Variants in LYSMD2 observed in about 807,000 individuals in gnomAD.
LYSMD2 encodes the protein LysM domain containing 2, also known as lysM and putative peptidoglycan-binding domain-containing protein 2.
Under a neutral mutation model 17.7 loss-of-function variants are expected in LYSMD2, and 6 were observed. The observed-to-expected ratio is 0.34, with a 90% CI of 0.19 to 0.67. The LOEUF is 0.67. Among genes scored for constraint, LYSMD2 ranks in the 30% least tolerant of loss-of-function variants. The pLI is 0.69. For missense variants in LYSMD2, 237 were observed against 286.7 expected (o/e 0.83, Z 1.25); for synonymous variants, 102 against 129.8 (o/e 0.79, Z 1.45).
intron 1 of LYSMD2, among the ~76,000 whole-genome samples, chr15:51,729,365 C>A (rs78456427): frequency 0.048 from 7,297 of 152,270 alleles, 214 homozygotes; most frequent in East Asian, 0.095. Flanking sequence ...AATGGATTAG[C>A]AAGAAAGAGG....
In LYSMD2 at chr15:51,748,261, C is replaced by CAAAAAAAAA. The variant is rs10556304; in HGVS notation, c.-1+3001_-1+3009dup. 1.5e-3 allele frequency among the ~76,000 whole-genome samples: 93 copies of CAAAAAAAAA among 60,228 alleles called. 1 individual carries two copies. The highest frequency in any genetic ancestry group is 5.7e-3 in the African/African-American group (90 of 15,820). 39.5% of individuals were successfully genotyped at this position (60,228 alleles called of 152,430 possible). A position where few individuals can be genotyped will look rare whatever the true frequency, so the allele number is the denominator to read the frequency against. ...CTGGTGACAGAACAAGACTCCGTCT[C>CAAAAAAAAA]AAAAAAAAAAAAAAAAAAAAAAAAA... On this transcript the variant is annotated intron_variant, in intron 1 of 2. Transcript: ENST00000454181.
intron 2 of LYSMD2, among the ~76,000 whole-genome samples, 153 bp from the exon 3 acceptor site, chr15:51,723,802 C>G (rs879099156): frequency 6.6e-6 from 1 of 152,072 alleles, no homozygotes; most frequent in Non-Finnish European, 1.5e-5. Flanking sequence ...AATGCCAATA[C>G]TTAAGACATA....
At chr15:51,748,596 A>G (rs756854998) in intron 1 of LYSMD2, among the ~76,000 whole-genome samples, 3 of 152,232 alleles carry the variant, frequency 2.0e-5, no homozygotes, top group Middle Eastern at 3.2e-3. Flanking sequence ...ATCTCATATA[A>G]CAAGAAATCC....
Position 51,737,422 on chromosome 15 carries a change from G to C in LYSMD2, c.201C>G (p.Ile67Met). 1 of 1,444,942 alleles carries C rather than the reference G, an allele frequency of 6.9e-7. No individual in the cohort carries two copies. Among genetic ancestry groups the C allele is most frequent in the Non-Finnish European group, 9.1e-7 (1 of 1,103,584 alleles). 89.5% of individuals were successfully genotyped at this position (1,444,942 alleles called of 1,614,324 possible). The change falls in exon 1 of 3, where the codon ATC (isoleucine) becomes ATG (methionine). Residue 67 changes from isoleucine (I) to methionine (M), a missense_variant. Transcript: ENST00000267838. This position sits in a 1 kb window ranked among gnomAD's most constrained non-coding sequence, Gnocchi z 4.2. ...GGACCCGGTGCTCCACATGGCGCTCGATGACGCCGGCGCCCAGCGGCGCCC... is the reference window on the plus strand; with the variant it reads ...GGACCCGGTGCTCCACATGGCGCTCCATGACGCCGGCGCCCAGCGGCGCCC... Reference protein sequence around the residue: ...SVRAPLGAGVIERHVEHRVRA... With the variant: ...SVRAPLGAGVMERHVEHRVRA...
chr15:51,728,249 T>TA (rs914383925), intron 1 of LYSMD2, among the ~76,000 whole-genome samples: 28 of 151,482 alleles, frequency 1.8e-4, no homozygotes, highest in Non-Finnish European at 2.9e-4. Flanking sequence ...TCATTTCTAC[T>TA]AAAAAAAAGA....
chr15:51,736,236 C>T (rs767886326), intron 1 of LYSMD2, among the ~76,000 whole-genome samples: 2 of 152,198 alleles, frequency 1.3e-5, no homozygotes, highest in African/African-American at 4.8e-5. Context: ...TTCCCAACTT[C>T]GCTTTCCTCT....
intron 1 of LYSMD2, among the ~76,000 whole-genome samples, chr15:51,750,938 C>A (rs2055696448): frequency 6.6e-6 from 1 of 152,172 alleles, no homozygotes; most frequent in African/African-American, 2.4e-5. Flanking sequence ...CCAAGAACTC[C>A]CTCGGAAACC....
chr15:51,747,097 G>T (rs2055671898), intron 1 of LYSMD2, among the ~76,000 whole-genome samples: 2 of 151,872 alleles, frequency 1.3e-5, no homozygotes, highest in South Asian at 4.2e-4. Flanking sequence ...CTACTTGGGA[G>T]GCTTAGACAT....
At position 51,745,028 on chromosome 15, in the gene LYSMD2, A is replaced by G. The variant is rs528250743; in HGVS notation, c.-1+6243T>C. On this transcript the variant is annotated intron_variant, in intron 1 of 2. Transcript: ENST00000454181. ...TAGATAACTTAAATAAAGTGAATGAATTCCTAGAAAGACATGAACTAACAA... is the reference window on the plus strand; with the variant it reads ...TAGATAACTTAAATAAAGTGAATGAGTTCCTAGAAAGACATGAACTAACAA... 7.2e-5 allele frequency among the ~76,000 whole-genome samples: 11 copies of G among 152,292 alleles called. No homozygotes were observed. The East Asian group carries it at 1.5e-3, about 21-fold the overall frequency.
chr15:51,732,648 C>A (rs528470170), intron 1 of LYSMD2, among the ~76,000 whole-genome samples: 1 of 152,222 alleles, frequency 6.6e-6, no homozygotes, highest in Non-Finnish European at 1.5e-5. Context: ...TCAGGCCTAG[C>A]CAGCTTCTTG....
At chr15:51,750,747 T>G (rs191011290) in intron 1 of LYSMD2, among the ~76,000 whole-genome samples, 1 of 152,264 alleles carries the variant, frequency 6.6e-6, no homozygotes, top group Non-Finnish European at 1.5e-5. Context: ...TTCAGAAACT[T>G]GACTTTATTT....
rs1278907917 is a variant in LYSMD2 at position 51,723,221 on chromosome 15, G to C, written c.*386C>G. On this transcript the variant is annotated 3_prime_UTR_variant, in exon 3 of 3. Coordinates refer to ENST00000267838, the MANE Select transcript of LYSMD2 (RefSeq NM_153374.3). ...AAGTTATAAACACACAGCAAATTCA[G>C]CATCACTTAAACAGCAACCATATTT... is the stretch of plus-strand genomic sequence containing the variant. 3 of 173,826 alleles carry C rather than the reference G, an allele frequency of 1.7e-5. No individual in the cohort carries two copies. The highest frequency in any genetic ancestry group is 1.7e-4 in the Admixed American group (3 of 17,664). 10.8% of individuals were successfully genotyped at this position (173,826 alleles called of 1,614,324 possible). A position where few individuals can be genotyped will look rare whatever the true frequency, so the allele number is the denominator to read the frequency against.
intron 2 of LYSMD2, among the ~76,000 whole-genome samples, chr15:51,724,265 A>G (rs1379987047): frequency 1.3e-5 from 2 of 152,184 alleles, no homozygotes; most frequent in Non-Finnish European, 2.9e-5. Flanking sequence ...AAACAAAGAA[A>G]AAAGTTCACA....
upstream of LYSMD2, among the ~76,000 whole-genome samples, chr15:51,740,370 A>G (rs2055636891): frequency 6.6e-6 from 1 of 152,254 alleles, no homozygotes; most frequent in Non-Finnish European, 1.5e-5. Context: ...TTGTTTTAAT[A>G]TGTATCTACC....
chr15:51,742,626 A>C (rs529796447), upstream of LYSMD2, among the ~76,000 whole-genome samples: 2 of 152,288 alleles, frequency 1.3e-5, no homozygotes, highest in South Asian at 4.1e-4. Context: ...TAAATTTTTT[A>C]ACAGGGTCTT....
chr15:51,735,165 C>A (rs1291612381), intron 1 of LYSMD2, among the ~76,000 whole-genome samples: 3 of 149,656 alleles, frequency 2.0e-5, no homozygotes, highest in East Asian at 2.0e-4. Context: ...CAGAGTGAGA[C>A]CCTGTCTCAA....
chr15:51,737,392 C>G lies in LYSMD2; in HGVS notation c.231G>C (p.Ala77=). Residue 77 remains alanine, a synonymous_variant, in exon 1 of 3, where the codon GCG becomes GCC. Transcript: ENST00000267838. This position sits in a 1 kb window ranked among gnomAD's most constrained non-coding sequence, Gnocchi z 4.2. ...IERHVEHRVR[A]GDTLQGIALK... is the part of the protein sequence containing the mutation. The stretch of plus-strand genomic sequence containing the variant: ...GCGCGATGCCCTGCAGCGTGTCGCC[C>G]GCGCGGACCCGGTGCTCCACATGGC... The G allele has an allele frequency of 1.4e-6, 2 of 1,457,288 alleles. No individual in the cohort carries two copies. The highest frequency in any genetic ancestry group is 1.8e-6 in the Non-Finnish European group (2 of 1,110,180). 90.3% of individuals were successfully genotyped at this position (1,457,288 alleles called of 1,614,324 possible).
chr15:51,749,577 C>A (rs1166145241), intron 1 of LYSMD2, among the ~76,000 whole-genome samples: 1 of 152,200 alleles, frequency 6.6e-6, no homozygotes, highest in Non-Finnish European at 1.5e-5. Flanking sequence ...CGTGCAGAAC[C>A]ACGGGAAACC....
chr15:51,748,896 C>A (rs567031433), intron 1 of LYSMD2, among the ~76,000 whole-genome samples: 2 of 152,338 alleles, frequency 1.3e-5, no homozygotes, highest in African/African-American at 4.8e-5. Context: ...TGTCTACTAC[C>A]TGTTCCTAAT....
Sources: gnomAD v4.1 joint callset for allele counts (sites outside exome capture counted in the v4.1 genomes callset) on GRCh38, gnomAD v4.1.1 for gene constraint, Gnocchi (gnomAD v3.1) non-coding constraint, MANE v1.5 for transcripts, NCBI Gene and HGNC (gene_info 2026-07-23, HGNC 2026-07-21) for gene names.